Variants in BRD10 observed in about 807,000 individuals in gnomAD.
BRD10 encodes the protein bromodomain containing 10, also known as uncharacterized bromodomain-containing protein 10.
chr9:5,966,023 G>A, the BRD10 span, among the ~76,000 whole-genome samples: 1 of 152,148 alleles, frequency 6.6e-6, no homozygotes, highest in Admixed American at 6.5e-5. Context: ...TATTAACTAG[G>A]TAAGCAGACA....
At chr9:5,926,545 T>A in the BRD10 span, among the ~76,000 whole-genome samples, 6 of 152,258 alleles carry the variant, frequency 3.9e-5, no homozygotes, top group African/African-American at 9.6e-5. Context: ...TTATTTATTT[T>A]TTTTGAGACG....
At chr9:5,928,020 T>G in the BRD10 span, among the ~76,000 whole-genome samples, 7 of 152,206 alleles carry the variant, frequency 4.6e-5, no homozygotes, top group Non-Finnish European at 8.8e-5. Flanking sequence ...AGTTAACATG[T>G]TCAAATCCAA....
the BRD10 span, among the ~76,000 whole-genome samples, chr9:5,901,424 G>A: frequency 6.6e-6 from 1 of 152,146 alleles, no homozygotes; most frequent in African/African-American, 2.4e-5. Context: ...AATTATGAAT[G>A]GGTGTTTGAT....
the BRD10 span, among the ~76,000 whole-genome samples, chr9:5,935,012 G>C: frequency 6.6e-6 from 1 of 151,998 alleles, no homozygotes; most frequent in Non-Finnish European, 1.5e-5. Context: ...ACATATTCCT[G>C]CATATTCACA....
chr9:5,994,759 G>A, the BRD10 span, among the ~76,000 whole-genome samples: 1 of 152,058 alleles, frequency 6.6e-6, no homozygotes, highest in African/African-American at 2.4e-5. Context: ...CTACTGAGCA[G>A]GGTAGAAAAA....
the BRD10 span, among the ~76,000 whole-genome samples, chr9:5,993,322 A>AAAAC: frequency 1.3e-4 from 4 of 31,786 alleles, no homozygotes; most frequent in Non-Finnish European, 4.6e-4. Flanking sequence ...TAAAAAAAAA[A>AAAAC]AAAAAAAAAA....
chr9:5,969,201 T>C, the BRD10 span: 2 of 1,613,774 alleles, frequency 1.2e-6, no homozygotes, highest in African/African-American at 1.3e-5. Flanking sequence ...GAAGTCATTA[T>C]TTTCGATAGA....
chr9:5,910,604 CT>C, the BRD10 span: 1 of 152,300 alleles, frequency 6.6e-6, no homozygotes, highest in African/African-American at 2.4e-5. Context: ...AACCCCCAGA[CT>C]GTCACTCACT....
the BRD10 span, among the ~76,000 whole-genome samples, chr9:5,951,741 T>C: frequency 6.6e-6 from 1 of 152,170 alleles, no homozygotes; most frequent in Non-Finnish European, 1.5e-5. Context: ...CAAAACTAAG[T>C]TTTGCATTTA....
At chr9:5,953,744 T>C in the BRD10 span, among the ~76,000 whole-genome samples, 3 of 151,764 alleles carry the variant, frequency 2.0e-5, no homozygotes, top group Non-Finnish European at 4.4e-5. Flanking sequence ...ATTATTTCTA[T>C]TAAACTGCTT....
the BRD10 span, among the ~76,000 whole-genome samples, chr9:6,004,423 G>A: frequency 1.3e-5 from 2 of 152,176 alleles, no homozygotes; most frequent in African/African-American, 4.8e-5. Flanking sequence ...TAAGGAAACT[G>A]AGATTCAAGT....
At chr9:5,907,098 T>C in the BRD10 span, 1 of 764,190 alleles carries the variant, frequency 1.3e-6, no homozygotes, top group South Asian at 2.3e-5. Flanking sequence ...AATGTGAATG[T>C]ACTCATTGCC....
At chr9:5,934,908 G>C in the BRD10 span, among the ~76,000 whole-genome samples, 37 of 152,022 alleles carry the variant, frequency 2.4e-4, no homozygotes, top group African/African-American at 8.0e-4. Context: ...ATTCTCCTTA[G>C]TCTAAGTACT....
At chr9:5,997,105 T>A in the BRD10 span, among the ~76,000 whole-genome samples, 1 of 152,220 alleles carries the variant, frequency 6.6e-6, no homozygotes, top group African/African-American at 2.4e-5. Context: ...GCAGGAAAGC[T>A]AGAGCAAGTC....
At chr9:6,006,855 G>C in the BRD10 span, among the ~76,000 whole-genome samples, 1 of 152,216 alleles carries the variant, frequency 6.6e-6, no homozygotes, top group African/African-American at 2.4e-5. Context: ...CTGTCTAAAA[G>C]TTGCAGGTCC....
the BRD10 span, chr9:5,919,963 A>G: frequency 6.2e-7 from 1 of 1,614,042 alleles, no homozygotes; most frequent in Non-Finnish European, 8.5e-7. Flanking sequence ...CCAAAAGAGT[A>G]GCTGGAGACT....
chr9:5,942,213 A>G, the BRD10 span, among the ~76,000 whole-genome samples: 1 of 152,086 alleles, frequency 6.6e-6, no homozygotes, highest in African/African-American at 2.4e-5. Flanking sequence ...ATATAACAAT[A>G]TAACAATATT....
the BRD10 span, among the ~76,000 whole-genome samples, chr9:5,942,424 GTAACA>G: frequency 6.6e-5 from 10 of 152,086 alleles, no homozygotes; most frequent in South Asian, 1.2e-3. Context: ...ATAACATAAC[GTAACA>G]TAACATAACG....
At chr9:5,994,861 T>C in the BRD10 span, among the ~76,000 whole-genome samples, 1 of 152,144 alleles carries the variant, frequency 6.6e-6, no homozygotes, top group Non-Finnish European at 1.5e-5. Context: ...AACTCCCTCT[T>C]TCATTCTCCA....
Sources: allele counts gnomAD v4.1 joint callset (sites outside exome capture counted in the v4.1 genomes callset), GRCh38; gene constraint gnomAD v4.1.1; transcripts MANE v1.5; gene names NCBI Gene and HGNC (gene_info 2026-07-23, HGNC 2026-07-21).